The following WDR33 variants were observed in gnomAD, a reference collection of about 807,000 sequenced individuals.
WDR33 encodes the protein WD repeat domain 33, also known as pre-mRNA 3' end processing protein WDR33.
Under a neutral mutation model 164.9 loss-of-function variants are expected in WDR33, and 47 were observed. That is an observed-to-expected ratio of 0.29 (90% CI 0.23 to 0.36). The LOEUF (loss-of-function observed/expected upper bound fraction) is 0.36, where lower values mean the gene tolerates loss of function less well. Ranked by LOEUF, WDR33 falls within the 10% of genes least tolerant of loss-of-function variation. WDR33 has a pLI of 1.00. For missense variants in WDR33, 1,137 were observed against 1,754.1 expected (o/e 0.65, Z 6.28); for synonymous variants, 505 against 589.0 (o/e 0.86, Z 2.06).
chr2:127,723,216 C>G lies in WDR33; in HGVS notation c.1291+37G>C, dbSNP rs755908901. 2.5e-6 allele frequency: 4 copies of G among 1,574,372 alleles called. No homozygotes were observed. In the South Asian group the frequency reaches 4.6e-5, roughly 18 times the overall value. ...ATCTAACACTTCTGTAATAGAATACCAGATTTCAAAGAAGGACAGATGTGC... is the reference window on the plus strand; with the variant it reads ...ATCTAACACTTCTGTAATAGAATACGAGATTTCAAAGAAGGACAGATGTGC... On this transcript the variant is annotated intron_variant, in intron 12 of 21. Coordinates refer to ENST00000322313, the MANE Select transcript of WDR33 (RefSeq NM_018383.5). The surrounding 1 kb of genome is among the most constrained non-coding windows in gnomAD (Gnocchi z 5.9).
rs1686227753 is a variant in WDR33, at chr2:127,713,527, C to T, written c.3308+56G>A. Reference sequence around the variant, plus strand: ...AAGAAGAAAGAGACCTTTGTGGAGACAGCAGATAAAAAGCTCCACTGAAGA... The same window carrying T: ...AAGAAGAAAGAGACCTTTGTGGAGATAGCAGATAAAAAGCTCCACTGAAGA... On this transcript the variant is annotated intron_variant, in intron 18 of 21. Coordinates refer to ENST00000322313, the MANE Select transcript of WDR33 (RefSeq NM_018383.5). This position sits in a 1 kb window ranked among gnomAD's most constrained non-coding sequence, Gnocchi z 6.2. The T allele has an allele frequency of 1.3e-6, 2 of 1,569,896 alleles. No individual in the cohort carries two copies. The highest frequency in any genetic ancestry group is 1.7e-6 in the Non-Finnish European group (2 of 1,151,028).
Position 127,736,496 on chromosome 2 carries a change from T to C in WDR33, c.725-9719A>G, listed in dbSNP as rs534968343. 3.0e-6 allele frequency: 3 copies of C among 985,320 alleles called. No homozygotes were observed. In the African/African-American group the frequency reaches 5.2e-5, roughly 17 times the overall value. 61.0% of individuals were successfully genotyped at this position (985,320 alleles called of 1,614,324 possible). On this transcript the variant is annotated intron_variant, in intron 7 of 21. Coordinates refer to ENST00000322313, the MANE Select transcript of WDR33 (RefSeq NM_018383.5). ...AATACACAAACATAAAAAAGCAAGCTCAAATGGATAAAAAGGTAGATGCAC... is the reference window on the plus strand; with the variant it reads ...AATACACAAACATAAAAAAGCAAGCCCAAATGGATAAAAAGGTAGATGCAC...
intron 7 of WDR33, among the ~76,000 whole-genome samples, chr2:127,739,178 G>C (rs1281227574): frequency 6.6e-6 from 1 of 152,116 alleles, no homozygotes; most frequent in Non-Finnish European, 1.5e-5. Context: ...GAATGAATGA[G>C]GAAATGATGA....
At chr2:127,758,955 T>C (rs1417537955) in intron 7 of WDR33, among the ~76,000 whole-genome samples, 1 of 152,220 alleles carries the variant, frequency 6.6e-6, no homozygotes, top group East Asian at 1.9e-4. Context: ...CTATTTCAGT[T>C]GGAGTCAAAT....
intron 1 of WDR33, among the ~76,000 whole-genome samples, chr2:127,804,611 G>C (rs140074398): frequency 6.6e-6 from 1 of 152,230 alleles, no homozygotes; most frequent in African/African-American, 2.4e-5. Flanking sequence ...AAAAATGGGT[G>C]AATCAGAATA....
intron 8 of WDR33, 83 bp from the exon 9 acceptor site, chr2:127,725,298 A>T: frequency 7.3e-7 from 1 of 1,376,528 alleles, no homozygotes; most frequent in Non-Finnish European, 9.7e-7. Flanking sequence ...AAGCGAATTA[A>T]TCAAGATGGC....
At chr2:127,784,655 A>G (rs1011661141) in intron 1 of WDR33, among the ~76,000 whole-genome samples, 1 of 152,194 alleles carries the variant, frequency 6.6e-6, no homozygotes, top group Non-Finnish European at 1.5e-5. Flanking sequence ...TACAGAGACT[A>G]CACGTGTGAG....
rs1461624328 is a variant in WDR33 at position 127,706,390 on chromosome 2, C to T, written c.3944G>A (p.Arg1315Lys). Reference sequence around the variant, plus strand: ...CGGGCCAGAGTTCATGTTACTCCCTCTACCCCAGTTACTGCCACTCCGGCC... The same window carrying T: ...CGGGCCAGAGTTCATGTTACTCCCTTTACCCCAGTTACTGCCACTCCGGCC... Reference protein sequence around the residue: ...RGGRSGSNWGRGSNMNSGPPR... With the variant: ...RGGRSGSNWGKGSNMNSGPPR... Residue 1315 changes from arginine (R) to lysine (K), a missense_variant, in exon 22 of 22, where the codon AGA becomes AAA. Physicochemically the swap from Arg to Lys is conservative, Grantham distance 26. This residue lies in a region of WDR33 where 867 missense variants were observed against 1,073.0 expected (regional missense o/e 0.81). Coordinates refer to ENST00000322313, the MANE Select transcript of WDR33 (RefSeq NM_018383.5). This position sits in a 1 kb window ranked among gnomAD's most constrained non-coding sequence, Gnocchi z 5.1. The T allele has an allele frequency of 6.2e-7, 1 of 1,613,050 alleles. No individual in the cohort carries two copies. Among genetic ancestry groups the T allele is most frequent in the East Asian group, 2.2e-5 (1 of 44,862 alleles).
chr2:127,707,385 T>C (rs1315391172), intron 21 of WDR33, among the ~76,000 whole-genome samples: 1 of 152,170 alleles, frequency 6.6e-6, no homozygotes, highest in African/African-American at 2.4e-5. Context: ...TATTTTGTAA[T>C]AGAATATGAA....
In WDR33 at chr2:127,708,979, C is replaced by T. The variant is rs1268790647; in HGVS notation, c.3566-87G>A. 1.1e-5 allele frequency: 15 copies of T among 1,348,508 alleles called. No homozygotes were observed. Among genetic ancestry groups the T allele is most frequent in the Middle Eastern group, 2.2e-4 (1 of 4,472 alleles). The allele number at this position is 1,348,508 out of a possible 1,614,324, so 83.5% of individuals were successfully genotyped here. On this transcript the variant is annotated intron_variant, in intron 20 of 21. Coordinates refer to ENST00000322313, the MANE Select transcript of WDR33 (RefSeq NM_018383.5). This position sits in a 1 kb window ranked among gnomAD's most constrained non-coding sequence, Gnocchi z 6.7. ...GACACTGTGAGAGTAAGGAGCAACT[C>T]GAGAGCCACCGTTCACTCATGCTGA...
In WDR33 at chr2:127,722,048, G is replaced by A; in HGVS notation, c.1519-60C>T. On this transcript the variant is annotated intron_variant, in intron 14 of 21. Coordinates refer to ENST00000322313, the MANE Select transcript of WDR33 (RefSeq NM_018383.5). The surrounding 1 kb of genome is among the most constrained non-coding windows in gnomAD (Gnocchi z 5.1). Reference sequence around the variant, plus strand: ...AGTATGAAAATTACAATGATAGAATGAGAAAACCACTCTACAATGTCATCT... The same window carrying A: ...AGTATGAAAATTACAATGATAGAATAAGAAAACCACTCTACAATGTCATCT... 1.3e-6 allele frequency: 2 copies of A among 1,566,834 alleles called. No homozygotes were observed. Among genetic ancestry groups the A allele is most frequent in the Non-Finnish European group, 1.7e-6 (2 of 1,156,924 alleles).
chr2:127,701,768 CGGCGGGT>C lies in WDR33; in HGVS notation c.*4548_*4554del, dbSNP rs748029693. On this transcript the variant is annotated 3_prime_UTR_variant, in exon 22 of 22. Coordinates refer to ENST00000322313, the MANE Select transcript of WDR33 (RefSeq NM_018383.5). Reference sequence around the variant, plus strand: ...CGCGCGGGCAGCGGCTGGCGGCGGGCGGCGGGTGCCTGCTGCTGGCTGCACTGTGTTT... The same window carrying C: ...CGCGCGGGCAGCGGCTGGCGGCGGGCGCCTGCTGCTGGCTGCACTGTGTTT... The C allele has an allele frequency of 4.9e-6, 7 of 1,426,102 alleles. No homozygotes were observed. Among genetic ancestry groups the C allele is most frequent in the South Asian group, 1.4e-5 (1 of 73,422 alleles). 88.3% of individuals were successfully genotyped at this position (1,426,102 alleles called of 1,614,324 possible). A position where few individuals can be genotyped will look rare whatever the true frequency, so the allele number is the denominator to read the frequency against.
Position 127,720,217 on chromosome 2 carries a change from T to C in WDR33, c.1808A>G (p.Gln603Arg). Reference sequence around the variant, plus strand: ...TGGCATCTGCTGAGATGGATGGGGCTGTTGAAAACCTTGAGGAATCTGAGA... The same window carrying C: ...TGGCATCTGCTGAGATGGATGGGGCCGTTGAAAACCTTGAGGAATCTGAGA... ...PMSQIPQGFQ[Q>R]PHPSQQMPMN... The change falls in exon 16 of 22, where the codon CAG becomes CGG. Residue 603 changes from glutamine (Q) to arginine (R), a missense_variant. This residue lies in a region of WDR33 where 867 missense variants were observed against 1,073.0 expected (regional missense o/e 0.81). Transcript: ENST00000322313. This position sits in a 1 kb window ranked among gnomAD's most constrained non-coding sequence, Gnocchi z 5.9. 2 of 1,603,076 alleles carry C rather than the reference T, an allele frequency of 1.2e-6. No individual in the cohort carries two copies. Among genetic ancestry groups the C allele is most frequent in the South Asian group, 1.1e-5 (1 of 89,736 alleles).
chr2:127,757,531 G>A (rs907361706), intron 7 of WDR33, among the ~76,000 whole-genome samples: 2 of 152,272 alleles, frequency 1.3e-5, no homozygotes, highest in East Asian at 3.9e-4. Flanking sequence ...CAGGCAGCTA[G>A]CTGTAGTAAA....
At chr2:127,725,683 G>A (rs1183194351) in intron 8 of WDR33, among the ~76,000 whole-genome samples, 1 of 151,602 alleles carries the variant, frequency 6.6e-6, no homozygotes, top group Non-Finnish European at 1.5e-5. Flanking sequence ...GCAGTGAGCC[G>A]AGATTGCACC....
intron 7 of WDR33, among the ~76,000 whole-genome samples, chr2:127,754,355 A>C (rs1687457579): frequency 6.6e-6 from 1 of 152,186 alleles, no homozygotes; most frequent in Non-Finnish European, 1.5e-5. Context: ...GGTAGGTGGC[A>C]AGCTAAATGT....
intron 7 of WDR33, chr2:127,762,837 T>C (rs1687718140): frequency 7.4e-7 from 1 of 1,348,914 alleles, no homozygotes; most frequent in Non-Finnish European, 9.5e-7. Context: ...GGCACTCTTG[T>C]ATTTAATTTA....
At chr2:127,794,833 CAAAAAAAAAA>C (rs990234716) in intron 1 of WDR33, among the ~76,000 whole-genome samples, 1 of 79,264 alleles carries the variant, frequency 1.3e-5, no homozygotes, top group Non-Finnish European at 2.8e-5. Flanking sequence ...GACTCCGTTT[CAAAAAAAAAA>C]AAAAAAAAAG....
chr2:127,779,503 C>T (rs189541143), intron 1 of WDR33, among the ~76,000 whole-genome samples: 55 of 152,142 alleles, frequency 3.6e-4, no homozygotes, highest in African/African-American at 1.3e-3. Flanking sequence ...TATGATAGAA[C>T]TGCGCATTTG....
Sources: gnomAD v4.1 joint callset for allele counts (sites outside exome capture counted in the v4.1 genomes callset) on GRCh38, gnomAD v4.1.1 for gene constraint, gnomAD v4.1.1 regional missense constraint, Gnocchi (gnomAD v3.1) non-coding constraint, MANE v1.5 for transcripts, NCBI Gene and HGNC (gene_info 2026-07-23, HGNC 2026-07-21) for gene names.